RP1: variants seen among roughly 807,000 people sequenced by gnomAD.
RP1 encodes RP1 axonemal microtubule associated.
RP1 carries 16 observed loss-of-function variants against 14.8 expected under a neutral mutation model. The ratio of observed to expected loss-of-function variants is 1.08; its 90% CI spans 0.73 to 1.65. The LOEUF is 1.65. RP1 is among the 40% of genes most tolerant of loss of function. RP1 has a pLI of 0.00. For missense variants in RP1, 2,631 were observed against 2,535.0 expected (o/e 1.04, Z -0.81); for synonymous variants, 876 against 883.6 (o/e 0.99, Z 0.15).
At chr8:54,754,665 C>A in intron 19 of RP1, 1 of 823,646 alleles carries the variant, frequency 1.2e-6, no homozygotes, top group Non-Finnish European at 1.7e-6. Flanking sequence ...ACGACTACTA[C>A]TACTAACAAC....
intron 7 of RP1, among the ~76,000 whole-genome samples, chr8:54,664,996 T>TA (rs1163278089): frequency 6.6e-6 from 1 of 152,122 alleles, no homozygotes; most frequent in African/African-American, 2.4e-5. Context: ...AAATAAAAGT[T>TA]GAAAAAGAAA....
chr8:54,746,566 G>A (rs558070907), intron 19 of RP1, among the ~76,000 whole-genome samples: 18 of 152,204 alleles, frequency 1.2e-4, no homozygotes, highest in African/African-American at 3.6e-4. Context: ...TAGACAGATA[G>A]TAATTAACTT....
At chr8:54,686,609 A>G (rs1471994691) in intron 12 of RP1, among the ~76,000 whole-genome samples, 1 of 152,126 alleles carries the variant, frequency 6.6e-6, no homozygotes, top group African/African-American at 2.4e-5. Flanking sequence ...TAGGTACTAG[A>G]AACAATACTG....
Position 54,624,790 on chromosome 8 carries a change from A to G in RP1, c.908A>G (p.Glu303Gly). The G allele has an allele frequency of 6.2e-7, 1 of 1,614,042 alleles. No homozygotes were observed. Among genetic ancestry groups the G allele is most frequent in the Non-Finnish European group, 8.5e-7 (1 of 1,179,974 alleles). The part of the protein sequence containing the change: ...SFVPEKYLAL[E>G]KNDSQNLPIY... ...GTTCCTGAAAAGTACTTGGCCTTAG[A>G]AAAGAATGATTCTCAGAATTTACCA... The change falls in exon 4 of 4, where the codon GAA becomes GGA. Residue 303 changes from glutamate (E) to glycine (G), a missense_variant. Transcript: ENST00000220676.
chr8:54,708,743 G>GT (rs1476207891), intron 15 of RP1, among the ~76,000 whole-genome samples: 2 of 150,546 alleles, frequency 1.3e-5, no homozygotes, highest in African/African-American at 4.9e-5. Context: ...CAGTGTGCTG[G>GT]TTATCTTTTT....
intron 25 of RP1, among the ~76,000 whole-genome samples, chr8:54,849,072 T>A (rs1166895159): frequency 1.3e-5 from 2 of 152,064 alleles, no homozygotes; most frequent in African/African-American, 4.8e-5. Flanking sequence ...TAGAGAAGTT[T>A]CATAATGACT....
rs74693902 is a variant in RP1, at chr8:54,747,285, C to T, written c.2809-7518C>T. On this transcript the variant is annotated intron_variant, in intron 19 of 22. Transcript: ENST00000636932. ...GTCCCCTGCCCACCTCTTTCTCGTCCCCTTCTCATGCTGTGGAAGCCACAC... is the reference window on the plus strand; with the variant it reads ...GTCCCCTGCCCACCTCTTTCTCGTCTCCTTCTCATGCTGTGGAAGCCACAC... 8.2e-3 allele frequency among the ~76,000 whole-genome samples: 1,241 copies of T among 152,268 alleles called. 19 individuals carry two copies. The highest frequency in any genetic ancestry group is 0.028 in the African/African-American group (1,168 of 41,558).
At chr8:54,801,998 G>T (rs1810720064) in intron 24 of RP1, among the ~76,000 whole-genome samples, 1 of 152,142 alleles carries the variant, frequency 6.6e-6, no homozygotes, top group African/African-American at 2.4e-5. Flanking sequence ...TGGGTAGTCA[G>T]ATTTATTTAT....
intron 12 of RP1, among the ~76,000 whole-genome samples, chr8:54,691,935 T>A (rs1807723339): frequency 1.3e-5 from 2 of 151,998 alleles, no homozygotes; most frequent in Admixed American, 6.6e-5. Context: ...CATTTAGCAT[T>A]AGGTATATCT....
intron 24 of RP1, among the ~76,000 whole-genome samples, chr8:54,815,946 T>C (rs1197572432): frequency 6.6e-6 from 1 of 152,218 alleles, no homozygotes; most frequent in Non-Finnish European, 1.5e-5. Flanking sequence ...ACCATGAATA[T>C]GAACCTGTAG....
At chr8:54,745,148 C>G (rs1242754922) in intron 19 of RP1, among the ~76,000 whole-genome samples, 3 of 152,174 alleles carry the variant, frequency 2.0e-5, no homozygotes, top group Non-Finnish European at 2.9e-5. Context: ...AGAACACAAT[C>G]TACCATTAAC....
intron 24 of RP1, among the ~76,000 whole-genome samples, chr8:54,791,757 C>A (rs1172664278): frequency 6.6e-6 from 1 of 151,652 alleles, no homozygotes; most frequent in Non-Finnish European, 1.5e-5. Context: ...AATACCAACA[C>A]AAAAGTCATC....
intron 17 of RP1, among the ~76,000 whole-genome samples, chr8:54,733,260 G>C (rs1051524073): frequency 2.6e-5 from 4 of 151,972 alleles, no homozygotes; most frequent in African/African-American, 7.3e-5. Context: ...ATCATAATTT[G>C]ACTCACCTTA....
Position 54,656,086 on chromosome 8 carries a change from C to T in RP1, c.1042C>T (p.Gln348Ter). ...AGTAATATTATTGTTATTATAGATACAGCTGCATAATATGAATTCTGGAAA... is the reference window on the plus strand; with the variant it reads ...AGTAATATTATTGTTATTATAGATATAGCTGCATAATATGAATTCTGGAAA... Residue 348 changes from glutamine (Q) to a stop codon, truncating the protein, a stop_gained, in exon 6 of 23, where the codon CAG (glutamine) becomes TAG (stop). Coordinates refer to the RP1 transcript ENST00000636932. LOFTEE classifies it high-confidence loss of function. 1.3e-6 allele frequency: 2 copies of T among 1,525,766 alleles called. No individual in the cohort carries two copies. Among genetic ancestry groups the T allele is most frequent in the Non-Finnish European group, 8.8e-7 (1 of 1,139,924 alleles). 94.5% of individuals were successfully genotyped at this position (1,525,766 alleles called of 1,614,324 possible).
Position 54,806,796 on chromosome 8 carries a change from G to A in RP1, c.3615+23086G>A, listed in dbSNP as rs867501883. 7.2e-5 allele frequency among the ~76,000 whole-genome samples: 11 copies of A among 152,232 alleles called. No homozygotes were observed. The South Asian group carries it at 1.2e-3, about 17-fold the overall frequency. ...TTGTTTTTAACAAATTGTAATGGGT[G>A]AAGAGGAACATTTAGTACCTCAAGG... On this transcript the variant is annotated intron_variant, in intron 24 of 28. Transcript: ENST00000637698.
intron 24 of RP1, among the ~76,000 whole-genome samples, chr8:54,795,738 T>A (rs1488355259): frequency 6.6e-6 from 1 of 152,184 alleles, no homozygotes; most frequent in Non-Finnish European, 1.5e-5. Flanking sequence ...CTTGATCATA[T>A]CCTCCTCTGT....
intron 7 of RP1, among the ~76,000 whole-genome samples, chr8:54,672,726 G>A (rs930220462): frequency 2.0e-5 from 3 of 152,032 alleles, no homozygotes; most frequent in Non-Finnish European, 4.4e-5. Flanking sequence ...ATGTTAATAT[G>A]CATGTAATAT....
At chr8:54,747,728 C>G (rs1809262543) in intron 19 of RP1, among the ~76,000 whole-genome samples, 1 of 152,174 alleles carries the variant, frequency 6.6e-6, no homozygotes, top group Non-Finnish European at 1.5e-5. Context: ...TGGGAAGACC[C>G]CTGTCTCTAC....
At chr8:54,806,110 C>T (rs112159123) in intron 24 of RP1, among the ~76,000 whole-genome samples, 3,571 of 152,204 alleles carry the variant, frequency 0.023, 147 homozygotes, top group African/African-American at 0.08. Context: ...CCTTCGCCTC[C>T]CGGATTCAAG....
Sources: gnomAD v4.1 joint callset for allele counts (sites outside exome capture counted in the v4.1 genomes callset) on GRCh38, gnomAD v4.1.1 for gene constraint, MANE v1.5 for transcripts, NCBI Gene and HGNC (gene_info 2026-07-23, HGNC 2026-07-21) for gene names.